ROBO2: variants seen among roughly 807,000 people sequenced by gnomAD.
ROBO2 encodes roundabout homolog 2.
Under a neutral mutation model 160.8 loss-of-function variants are expected in ROBO2, and 53 were observed. The ratio of observed to expected loss-of-function variants is 0.33; its 90% confidence interval spans 0.26 to 0.41. The LOEUF (loss-of-function observed/expected upper bound fraction) is 0.41, where lower values mean the gene tolerates loss of function less well. Among genes scored for constraint, ROBO2 ranks in the 10% least tolerant of loss-of-function variants. The probability of loss-of-function intolerance (pLI) is 1.00; values close to 1 mark genes in which losing one functional copy is unlikely to be tolerated. For missense variants in ROBO2, 1,577 were observed against 1,722.4 expected, an observed-to-expected ratio of 0.92 and a Z score of 1.49; for synonymous variants, 664 against 611.7, an observed-to-expected ratio of 1.09 and a Z score of -1.26.
intron 5 of ROBO2, among the ~76,000 whole-genome samples, chr3:77,502,475 C>T (rs904042969): frequency 1.3e-5 from 2 of 151,966 alleles, no homozygotes; most frequent in African/African-American, 4.8e-5. Flanking sequence ...TATTTTTTCT[C>T]ATGGAATGTT....
intron 2 of ROBO2, among the ~76,000 whole-genome samples, chr3:76,727,514 TA>T (rs2093571211): frequency 6.6e-6 from 1 of 151,996 alleles, no homozygotes; most frequent in African/African-American, 2.4e-5. Flanking sequence ...GTACTGAGAA[TA>T]AAAACTAAAG....
rs1171935870 is a variant in ROBO2 at position 76,192,531 on chromosome 3, CA to C, written c.109+254930del. ...TTTGCGTCCAACACTCCACCACACACACACACACACACACACACACACACAC... is the reference window on the plus strand; with the variant it reads ...TTTGCGTCCAACACTCCACCACACACCACACACACACACACACACACACAC... On this transcript the variant is annotated intron_variant, in intron 2 of 26. Transcript: ENST00000487694. Among the ~76,000 whole-genome samples, 686 of 109,780 alleles carry C rather than the reference CA, an allele frequency of 6.2e-3. 9 individuals carry two copies. Among genetic ancestry groups the C allele is most frequent in the African/African-American group, 0.023 (627 of 26,898 alleles). 72.0% of individuals were successfully genotyped at this position (109,780 alleles called of 152,430 possible).
chr3:76,194,020 C>T (rs536327780), intron 2 of ROBO2, among the ~76,000 whole-genome samples: 1 of 152,140 alleles, frequency 6.6e-6, no homozygotes, highest in South Asian at 2.1e-4. Flanking sequence ...AGGATTTGAA[C>T]TCAGATCTCT....
rs77807196 is a variant in ROBO2 at position 76,572,686 on chromosome 3, T to A, written c.110-525328T>A. On this transcript the variant is annotated intron_variant, in intron 2 of 26. Transcript: ENST00000487694. ...CAAAGCTTGGGGCATAAGTATAGAT[T>A]GACATCCTTCAGGAGGACTCCACAA... Among the ~76,000 whole-genome samples, 43 of 152,260 alleles carry A rather than the reference T, an allele frequency of 2.8e-4. 2 individuals are homozygous for A. The highest frequency in any genetic ancestry group is 2.7e-3 in the South Asian group (13 of 4,822).
intron 2 of ROBO2, among the ~76,000 whole-genome samples, chr3:76,756,183 C>T (rs531968204): frequency 2.0e-5 from 3 of 151,824 alleles, no homozygotes; most frequent in South Asian, 2.1e-4. Context: ...TATGTTACAG[C>T]GTTATTTTTA....
intron 2 of ROBO2, among the ~76,000 whole-genome samples, chr3:75,952,269 C>A (rs899753160): frequency 2.6e-5 from 4 of 151,880 alleles, no homozygotes; most frequent in African/African-American, 7.2e-5. Context: ...AGAGCTCATT[C>A]TGACTTGGGA....
chr3:77,614,418 G>A (rs1222798386), intron 21 of ROBO2, among the ~76,000 whole-genome samples: 1 of 152,114 alleles, frequency 6.6e-6, no homozygotes, highest in African/African-American at 2.4e-5. Flanking sequence ...CAGTTTAAAT[G>A]ATGGTATTTT....
At chr3:77,164,797 C>T (rs374139671) in intron 2 of ROBO2, among the ~76,000 whole-genome samples, 2 of 33,746 alleles carry the variant, frequency 5.9e-5, no homozygotes, top group Non-Finnish European at 1.2e-4. Flanking sequence ...CCGCCCCGTC[C>T]GGGAGGTGAG....
chr3:77,191,685 G>C (rs776770388), intron 2 of ROBO2, among the ~76,000 whole-genome samples: 3 of 152,186 alleles, frequency 2.0e-5, no homozygotes, highest in Non-Finnish European at 4.4e-5. Flanking sequence ...GTTCCATTTA[G>C]TGAGAAAGGC....
At chr3:76,497,853 CCCAGCATTT>C (rs1577655457) in intron 2 of ROBO2, among the ~76,000 whole-genome samples, 1 of 152,032 alleles carries the variant, frequency 6.6e-6, no homozygotes, top group African/African-American at 2.4e-5. Flanking sequence ...TCCCAGCATT[CCCAGCATTT>C]CCAGCATTCC....
At chr3:77,553,216 T>C (rs1021973984) in intron 8 of ROBO2, among the ~76,000 whole-genome samples, 1 of 151,974 alleles carries the variant, frequency 6.6e-6, no homozygotes, top group Non-Finnish European at 1.5e-5. Context: ...CTGTGATCAG[T>C]GATCTTTGAT....
At chr3:76,021,521 A>G (rs573354570) in intron 2 of ROBO2, among the ~76,000 whole-genome samples, 2 of 151,810 alleles carry the variant, frequency 1.3e-5, no homozygotes, top group Non-Finnish European at 1.5e-5. Flanking sequence ...GAAGATATAC[A>G]GGCGTACCTT....
chr3:75,935,588 T>C (rs1354505194), intron 1 of ROBO2, among the ~76,000 whole-genome samples: 1 of 152,176 alleles, frequency 6.6e-6, no homozygotes, highest in Non-Finnish European at 1.5e-5. Context: ...TTATCCATAG[T>C]ATATGTATGA....
intron 2 of ROBO2, among the ~76,000 whole-genome samples, chr3:76,613,408 TTAAA>T (rs1344993742): frequency 2.6e-5 from 4 of 152,134 alleles, no homozygotes; most frequent in Non-Finnish European, 5.9e-5. Context: ...TTATCTCAGT[TTAAA>T]TAAAACTCTC....
intron 2 of ROBO2, among the ~76,000 whole-genome samples, chr3:75,960,477 C>A (rs1948871308): frequency 6.6e-6 from 1 of 151,646 alleles, no homozygotes; most frequent in African/African-American, 2.4e-5. Flanking sequence ...CCTCCTTTCC[C>A]AAATAATTTT....
intron 2 of ROBO2, among the ~76,000 whole-genome samples, chr3:77,294,008 T>A (rs2061673072): frequency 7.1e-6 from 1 of 140,082 alleles, no homozygotes; most frequent in Admixed American, 7.6e-5. Context: ...ACGGGTACAC[T>A]GAGGCTAGAT....
At chr3:76,657,582 T>TA (rs1449666052) in intron 2 of ROBO2, among the ~76,000 whole-genome samples, 2 of 146,870 alleles carry the variant, frequency 1.4e-5, no homozygotes, top group Admixed American at 6.9e-5. Flanking sequence ...CCTGCCTCTC[T>TA]AAAAAAAATA....
chr3:77,599,754 T>C (rs1280317327), intron 19 of ROBO2, among the ~76,000 whole-genome samples: 3 of 152,168 alleles, frequency 2.0e-5, no homozygotes, highest in Non-Finnish European at 2.9e-5. Flanking sequence ...TTACTAATTA[T>C]AGCATAAATC....
chr3:76,114,138 C>A (rs572219343), intron 2 of ROBO2, among the ~76,000 whole-genome samples: 1 of 152,236 alleles, frequency 6.6e-6, no homozygotes, highest in Admixed American at 6.5e-5. Context: ...AACAACATAC[C>A]TCATGACCTA....
Sources: allele counts gnomAD v4.1 joint callset (sites outside exome capture counted in the v4.1 genomes callset), GRCh38; gene constraint gnomAD v4.1.1; transcripts MANE v1.5; gene names NCBI Gene and HGNC (gene_info 2026-07-23, HGNC 2026-07-21).